Variants in NCOA3 observed in about 807,000 individuals in gnomAD.
NCOA3 encodes the protein CBP-interacting protein.
A neutral mutation model predicts 158.8 loss-of-function variants in NCOA3; 51 were observed. The observed-to-expected ratio is 0.32, with a 90% CI of 0.26 to 0.41. NCOA3 has a LOEUF of 0.41. NCOA3 is among the 10% of genes least tolerant of loss of function. NCOA3 has a pLI of 1.00. For synonymous variants in NCOA3, 537 were observed against 592.4 expected, an observed-to-expected ratio of 0.91 and a Z score of 1.36; for missense variants, 1,510 against 1,746.6, an observed-to-expected ratio of 0.86 and a Z score of 2.41.
At chr20:47,630,446 T>C (rs985566476) in intron 8 of NCOA3, 4 of 147,512 alleles carry the variant, frequency 2.7e-5, no homozygotes, top group African/African-American at 9.8e-5. Context: ...AGGATAAATA[T>C]ATGGGCAAGA....
intron 1 of NCOA3, among the ~76,000 whole-genome samples, chr20:47,578,106 A>T (rs2085398970): frequency 6.6e-6 from 1 of 152,172 alleles, no homozygotes; most frequent in Admixed American, 6.5e-5. Flanking sequence ...ACAATAATGG[A>T]CTAAGTAATG....
intron 1 of NCOA3, among the ~76,000 whole-genome samples, chr20:47,540,603 G>A (rs1391244958): frequency 6.6e-6 from 1 of 151,390 alleles, no homozygotes; most frequent in Non-Finnish European, 1.5e-5. Flanking sequence ...AAATATCTTT[G>A]TATTTACTCT....
chr20:47,583,436 A>G (rs1443970104), intron 2 of NCOA3, among the ~76,000 whole-genome samples, 175 bp downstream of exon 2: 1 of 151,972 alleles, frequency 6.6e-6, no homozygotes, highest in East Asian at 1.9e-4. Context: ...ACGTATGTGT[A>G]TGTACAGTTG....
At position 47,651,102 on chromosome 20, in the gene NCOA3, C is replaced by T; in HGVS notation, c.3772C>T (p.Gln1258Ter). 1 of 1,607,960 alleles carries T rather than the reference C, an allele frequency of 6.2e-7. No homozygotes were observed. The highest frequency in any genetic ancestry group is 1.4e-5 in the African/African-American group (1 of 72,744). ...GCAGCAGCAGCAGCAACAGCAGCAG[C>T]AGCAGCAGCAGCAGCAGCAACAGCA... ...QQQQQQQQQQ[Q>*]QQQQQQQQQQ... The change falls in exon 20 of 23, where the codon CAG becomes TAG. Residue 1258 changes from glutamine to a stop codon, truncating the protein, a stop_gained. Coordinates refer to ENST00000371998, the MANE Select transcript of NCOA3 (RefSeq NM_181659.3). LOFTEE classifies it high-confidence loss of function.
At chr20:47,542,029 T>TTTTTTTTTTTTTTG in intron 1 of NCOA3, among the ~76,000 whole-genome samples, 1 of 76,690 alleles carries the variant, frequency 1.3e-5, no homozygotes, top group Non-Finnish European at 3.1e-5. Flanking sequence ...TTTTTTTTTT[T>TTTTTTTTTTTTTTG]TGTTGTTGTT....
At chr20:47,641,491 T>C (rs1467173209) in intron 16 of NCOA3, among the ~76,000 whole-genome samples, 1 of 45,926 alleles carries the variant, frequency 2.2e-5, no homozygotes, top group Non-Finnish European at 3.8e-5. Context: ...GGCTCCCTTC[T>C]TTTTTTTTTT....
At chr20:47,627,868 A>G (rs1055653205) in intron 7 of NCOA3, 54 bp from the exon 8 acceptor site, 13 of 1,581,102 alleles carry the variant, frequency 8.2e-6, no homozygotes, top group East Asian at 2.2e-5. Flanking sequence ...CCTATTGAAC[A>G]TATATATCCA....
intron 3 of NCOA3, among the ~76,000 whole-genome samples, chr20:47,623,317 A>G (rs2086270876): frequency 6.6e-6 from 1 of 152,222 alleles, no homozygotes; most frequent in Admixed American, 6.5e-5. Flanking sequence ...TCTAAGAAGT[A>G]AAGATGATTT....
intron 16 of NCOA3, among the ~76,000 whole-genome samples, chr20:47,641,819 T>A (rs966307665): frequency 6.6e-6 from 1 of 152,104 alleles, no homozygotes; most frequent in African/African-American, 2.4e-5. Context: ...GTATCCTTCC[T>A]TTTATTCTTT....
intron 1 of NCOA3, among the ~76,000 whole-genome samples, chr20:47,520,547 A>G (rs1010667967): frequency 7.9e-5 from 12 of 152,162 alleles, no homozygotes; most frequent in African/African-American, 2.9e-4. Flanking sequence ...GGAAGGCTCA[A>G]CCCCTCAAAC....
At chr20:47,592,469 A>T (rs1297692614) in intron 2 of NCOA3, among the ~76,000 whole-genome samples, 1 of 152,224 alleles carries the variant, frequency 6.6e-6, no homozygotes, top group Non-Finnish European at 1.5e-5. Context: ...TTTTCTGCCA[A>T]CTCAATTTCT....
chr20:47,542,825 G>A (rs925559563), intron 1 of NCOA3, among the ~76,000 whole-genome samples: 1 of 152,170 alleles, frequency 6.6e-6, no homozygotes, highest in Non-Finnish European at 1.5e-5. Context: ...ATCCGGGCAT[G>A]GTGGCACATA....
chr20:47,627,823 G>T, intron 7 of NCOA3, 74 bp downstream of exon 7: 1 of 1,580,152 alleles, frequency 6.3e-7, no homozygotes, highest in Non-Finnish European at 8.7e-7. Flanking sequence ...AACTTGTGTT[G>T]TAACCCTTCT....
At chr20:47,650,207 T>C (rs1029574487) in intron 19 of NCOA3, among the ~76,000 whole-genome samples, 3 of 151,796 alleles carry the variant, frequency 2.0e-5, no homozygotes, top group Non-Finnish European at 4.4e-5. Flanking sequence ...CAAATAATTT[T>C]CAGGTCCCTC....
intron 20 of NCOA3, 48 bp downstream of exon 20, chr20:47,651,324 G>A (rs769001220): frequency 1.3e-6 from 2 of 1,551,430 alleles, no homozygotes; most frequent in Non-Finnish European, 1.7e-6. Context: ...ACATTACTAA[G>A]GACATAAGCT....
At chr20:47,619,024 A>C (rs1602494794) in intron 2 of NCOA3, among the ~76,000 whole-genome samples, 1 of 152,270 alleles carries the variant, frequency 6.6e-6, no homozygotes, top group African/African-American at 2.4e-5. Context: ...ATTGCATTGA[A>C]TGATTGTTAT....
At chr20:47,613,735 AC>A (rs777393474) in intron 2 of NCOA3, among the ~76,000 whole-genome samples, 16 of 151,638 alleles carry the variant, frequency 1.1e-4, no homozygotes, top group African/African-American at 3.9e-4. Context: ...AGATGGTGAA[AC>A]CCCGTCTCTA....
intron 1 of NCOA3, among the ~76,000 whole-genome samples, chr20:47,505,217 A>G (rs2084013707): frequency 6.6e-6 from 1 of 150,528 alleles, no homozygotes; most frequent in African/African-American, 2.4e-5. Flanking sequence ...GCGCACCACC[A>G]CGCCCGGCTA....
In NCOA3 at chr20:47,622,318, C is replaced by T; in HGVS notation, c.71C>T (p.Thr24Ile). Residue 24 changes from threonine (T) to isoleucine (I), a missense_variant, in exon 3 of 23, where the codon ACT becomes ATT. Thr to Ile is a moderately conservative substitution (Grantham distance 89). This residue lies in a region of NCOA3 where 309 missense variants were observed against 427.1 expected (regional missense o/e 0.72). Transcript: ENST00000371998. ...CGAAAACGCAAATTGCCATGTGATA[C>T]TCCAGGACAAGGGTAGGTGACTTAT... ...DSRKRKLPCD[T>I]PGQGLTCSGE... is the part of the protein sequence containing the mutation. 6 of 1,602,056 alleles carry T rather than the reference C, an allele frequency of 3.7e-6. No individual in the cohort carries two copies. The highest frequency in any genetic ancestry group is 5.1e-6 in the Non-Finnish European group (6 of 1,174,336).
Sources: gnomAD v4.1 joint callset for allele counts (sites outside exome capture counted in the v4.1 genomes callset) on GRCh38, gnomAD v4.1.1 for gene constraint, gnomAD v4.1.1 regional missense constraint, MANE v1.5 for transcripts, NCBI Gene and HGNC (gene_info 2026-07-23, HGNC 2026-07-21) for gene names.